DUS3L: variants seen among roughly 807,000 people sequenced by gnomAD.
DUS3L encodes dihydrouridine synthase 3 like.
Under a neutral mutation model 74.6 loss-of-function variants are expected in DUS3L, and 62 were observed. The observed-to-expected ratio is 0.83, with a 90% confidence interval of 0.68 to 1.03. The LOEUF (loss-of-function observed/expected upper bound fraction) is 1.03, where lower values mean the gene tolerates loss of function less well. DUS3L is among the 50% of genes least tolerant of loss of function. The pLI, the probability that DUS3L is intolerant of heterozygous loss-of-function variation, is 0.00. For synonymous variants in DUS3L, 433 were observed against 395.7 expected (o/e 1.09, Z -1.12); for missense variants, 884 against 924.4 (o/e 0.96, Z 0.57).
In DUS3L at chr19:5,789,972, A is replaced by T. The variant is rs2056893451; in HGVS notation, c.387+75T>A. Reference sequence around the variant, plus strand: ...GTTGCTGAAGGCCCAGGAGCTTTCTAACAATTACCCGCTGCCAGGAAACAC... The same window carrying T: ...GTTGCTGAAGGCCCAGGAGCTTTCTTACAATTACCCGCTGCCAGGAAACAC... On this transcript the variant is annotated intron_variant, in intron 2 of 12. Transcript: ENST00000309061. 5.7e-6 allele frequency: 9 copies of T among 1,580,024 alleles called. No individual in the cohort carries two copies. In the East Asian group the frequency reaches 2.0e-4, roughly 36 times the overall value.
intron 3 of DUS3L, among the ~76,000 whole-genome samples, chr19:5,788,675 G>T (rs528898999): frequency 6.7e-6 from 1 of 149,532 alleles, no homozygotes; most frequent in Non-Finnish European, 1.5e-5. Flanking sequence ...GCCCGACCCT[G>T]ACCCTCTGAG....
chr19:5,787,001 T>C, intron 8 of DUS3L, 60 bp downstream of exon 8: 1 of 1,491,182 alleles, frequency 6.7e-7, no homozygotes, highest in Non-Finnish European at 8.9e-7. Context: ...AGAGGAGCCA[T>C]TAGGAAGGGA....
intron 5 of DUS3L, 99 bp downstream of exon 5, chr19:5,787,925 A>G: frequency 5.9e-6 from 9 of 1,538,218 alleles, no homozygotes; most frequent in Non-Finnish European, 7.0e-6. Context: ...AGCTGAGGCC[A>G]GGGGGTCAGG....
At position 5,786,526 on chromosome 19, in the gene DUS3L, C is replaced by T; in HGVS notation, c.1503G>A (p.Leu501=). The T allele has an allele frequency of 6.2e-7, 1 of 1,613,092 alleles. No homozygotes were observed. Among genetic ancestry groups the T allele is most frequent in the East Asian group, 2.2e-5 (1 of 44,884 alleles). ...PMPLFGNGDI[L]SFEDANRAMQ... ...TGGCGCGGTTGGCATCCTCAAATGA[C>T]AAGATGTCCCCATTTCCTGAGGAGA... is the stretch of plus-strand genomic sequence containing the variant. The change falls in exon 10 of 13, where the codon TTG becomes TTA. Residue 501 remains leucine, a synonymous_variant. Transcript: ENST00000309061.
Position 5,785,226 on chromosome 19 carries a change from G to A in DUS3L, c.1930C>T (p.His644Tyr). 1.9e-6 allele frequency: 3 copies of A among 1,610,000 alleles called. No homozygotes were observed. Among genetic ancestry groups the A allele is most frequent in the African/African-American group, 1.3e-5 (1 of 75,032 alleles). ...GGCTACTTGTACGCGTTGGCCTTGTGCTTCGGCAAGAAGGCGAAGCTGGGG... is the reference window on the plus strand; with the variant it reads ...GGCTACTTGTACGCGTTGGCCTTGTACTTCGGCAAGAAGGCGAAGCTGGGG... ...VPPSFAFLPK[H>Y]KANAYK is the part of the protein sequence containing the mutation. Residue 644 changes from histidine to tyrosine, a missense_variant, in exon 13 of 13, where the codon CAC becomes TAC. Physicochemically the swap from His to Tyr is moderately conservative, Grantham distance 83. Transcript: ENST00000309061.
chr19:5,786,842 G>T lies in DUS3L; in HGVS notation c.1393C>A (p.His465Asn). 6.2e-7 allele frequency: 1 copy of T among 1,607,332 alleles called. No homozygotes were observed. The stretch of plus-strand genomic sequence containing the variant: ...TAGCGCTGCTCCCGAGAGCGGCCGT[G>T]GAGCTGGGGGAGAAGCCGCCACGCA... ...RDWGVALVTL[H>N]GRSREQRYTK... The change falls in exon 9 of 13, where the codon CAC (histidine) becomes AAC (asparagine). Residue 465 changes from histidine (H) to asparagine (N), a missense_variant. Transcript: ENST00000309061.
At chr19:5,789,895 T>C (rs112297151) in intron 2 of DUS3L, 152 bp downstream of exon 2, 22 of 1,309,160 alleles carry the variant, frequency 1.7e-5, no homozygotes, top group African/African-American at 7.4e-5. Context: ...AGCCCTACAA[T>C]GTATCCCGAG....
intron 9 of DUS3L, 49 bp from the exon 10 acceptor site, chr19:5,786,591 C>T (rs764588048): frequency 1.1e-5 from 18 of 1,600,690 alleles, no homozygotes; most frequent in Non-Finnish European, 1.5e-5. Flanking sequence ...CAGGTGGGAC[C>T]CTGGAGTTCT....
At chr19:5,788,702 G>C (rs1409458903) in intron 3 of DUS3L, among the ~76,000 whole-genome samples, 1 of 144,146 alleles carries the variant, frequency 6.9e-6, no homozygotes, top group African/African-American at 2.6e-5. Flanking sequence ...AGTGTGTCCA[G>C]CTCTTTTTTT....
At chr19:5,789,077 C>A in intron 3 of DUS3L, 130 bp downstream of exon 3, 1 of 1,334,254 alleles carries the variant, frequency 7.5e-7, no homozygotes, top group Non-Finnish European at 9.9e-7. Context: ...GGAGACTCAG[C>A]CAGGAGCTCC....
Position 5,785,236 on chromosome 19 carries a change from G to A in DUS3L, c.1920C>T (p.Phe640=). Residue 640 remains phenylalanine (F), a synonymous_variant, in exon 13 of 13, where the codon TTC becomes TTT. Coordinates refer to ENST00000309061, the MANE Select transcript of DUS3L (RefSeq NM_020175.3). ...ACGCGTTGGCCTTGTGCTTCGGCAA[G>A]AAGGCGAAGCTGGGGGGCACTGGCC... is the stretch of plus-strand genomic sequence containing the variant. ...LLGPVPPSFA[F]LPKHKANAYK 6.2e-7 allele frequency: 1 copy of A among 1,610,670 alleles called. No homozygotes were observed. The highest frequency in any genetic ancestry group is 1.3e-5 in the African/African-American group (1 of 75,044).
At chr19:5,790,362 C>G (rs771208235) in intron 1 of DUS3L, 27 bp from the exon 2 acceptor site, 1 of 1,613,078 alleles carries the variant, frequency 6.2e-7, no homozygotes, top group African/African-American at 1.3e-5. Context: ...AAAGGAAAAC[C>G]CTCCGAACAT....
intron 4 of DUS3L, 37 bp from the exon 5 acceptor site, chr19:5,788,213 A>G (rs755147493): frequency 7.0e-5 from 113 of 1,611,222 alleles, no homozygotes; most frequent in Non-Finnish European, 6.1e-5. Flanking sequence ...ATGCTCTTGC[A>G]CGCGCACACA....
At position 5,786,921 on chromosome 19, in the gene DUS3L, TGAGAGAGACA is replaced by T. The variant is rs758684247; in HGVS notation, c.1390-86_1390-77del. 4.6e-6 allele frequency: 7 copies of T among 1,516,282 alleles called. No homozygotes were observed. The African/African-American group carries it at 8.2e-5, about 18-fold the overall frequency. The allele number at this position is 1,516,282 out of a possible 1,614,324, so 93.9% of individuals were successfully genotyped here. The stretch of plus-strand genomic sequence containing the variant: ...GAGGAAGAGACCAAGAGAGCCAGGC[TGAGAGAGACA>T]GAGAGAGACACAGGCGGAGACAGAG... On this transcript the variant is annotated intron_variant, in intron 8 of 12. Coordinates refer to ENST00000309061, the MANE Select transcript of DUS3L (RefSeq NM_020175.3).
intron 5 of DUS3L, 45 bp downstream of exon 5, chr19:5,787,979 G>A (rs371542872): frequency 8.7e-5 from 140 of 1,601,882 alleles, no homozygotes; most frequent in South Asian, 1.2e-4. Flanking sequence ...GAGACAGGAC[G>A]GCCGAGGGCC....
At chr19:5,789,092 A>G in intron 3 of DUS3L, 115 bp downstream of exon 3, 4 of 1,416,974 alleles carry the variant, frequency 2.8e-6, no homozygotes, top group Non-Finnish European at 3.7e-6. Context: ...AGCTCCCTCA[A>G]GGCACACAGC....
chr19:5,787,017 G>T, intron 8 of DUS3L, 44 bp downstream of exon 8: 1 of 1,503,440 alleles, frequency 6.7e-7, no homozygotes, highest in South Asian at 1.3e-5. Flanking sequence ...AGGGACGCGG[G>T]GTCGACCGCG....
intron 7 of DUS3L, 23 bp from the exon 8 acceptor site, chr19:5,787,194 G>GGTGGCAGATGGTGGGAGGTC (rs2056853852): frequency 3.4e-5 from 11 of 325,536 alleles, no homozygotes; most frequent in Non-Finnish European, 4.5e-5. Context: ...GGTGGGAGGT[G>GGTGGCAGATGGTGGGAGGTC]GTGGGAGATG....
At chr19:5,789,067 G>A in intron 3 of DUS3L, 140 bp downstream of exon 3, 2 of 1,272,478 alleles carry the variant, frequency 1.6e-6, no homozygotes, top group Non-Finnish European at 2.1e-6. Context: ...GCACAGAGAG[G>A]GAGACTCAGC....
Sources: gnomAD v4.1 joint callset for allele counts (sites outside exome capture counted in the v4.1 genomes callset) on GRCh38, gnomAD v4.1.1 for gene constraint, MANE v1.5 for transcripts, NCBI Gene and HGNC (gene_info 2026-07-23, HGNC 2026-07-21) for gene names.